Variants in EIF3J observed in about 807,000 individuals in gnomAD.
EIF3J encodes the protein eukaryotic translation initiation factor 3, subunit 1 (alpha, 35kD).
Under a neutral mutation model 39.0 loss-of-function variants are expected in EIF3J, and 15 were observed. That is an observed-to-expected ratio of 0.38 (90% confidence interval 0.26 to 0.59). EIF3J has a LOEUF of 0.59. Ranked by LOEUF, EIF3J falls within the 20% of genes least tolerant of loss-of-function variation. EIF3J has a pLI of 0.60. For synonymous variants in EIF3J, 98 were observed against 112.9 expected (o/e 0.87, Z 0.84); for missense variants, 226 against 308.6 (o/e 0.73, Z 2.00).
chr15:44,550,575 C>CAACATCCT, intron 2 of EIF3J: 1 of 190,688 alleles, frequency 5.2e-6, no homozygotes, highest in Non-Finnish European at 1.1e-5. Flanking sequence ...TAGCAACATA[C>CAACATCCT]AAGATGAAAT....
At chr15:44,551,048 G>C (rs10152710) in intron 3 of EIF3J, 118 bp downstream of exon 3, 46,256 of 1,422,782 alleles carry the variant, frequency 0.033, 1,257 homozygotes, top group African/African-American at 0.12. Context: ...TAGAAACCAA[G>C]TGTCCTTCCA....
rs2082198449 is a variant in EIF3J at position 44,561,689 on chromosome 15, A to G, written c.*540A>G. 1 of 152,524 alleles carries G rather than the reference A, an allele frequency of 6.6e-6. No individual in the cohort carries two copies. Among genetic ancestry groups the G allele is most frequent in the South Asian group, 2.1e-4 (1 of 4,840 alleles). 9.4% of individuals were successfully genotyped at this position (152,524 alleles called of 1,614,324 possible). On this transcript the variant is annotated 3_prime_UTR_variant, in exon 8 of 8. Transcript: ENST00000261868. ...GAAGATACTGCGGCTGAAAAGCACT[A>G]GTTTGATATAAAATTAAAATGACCA... is the stretch of plus-strand genomic sequence containing the variant.
chr15:44,560,551 A>C (rs1426166955), intron 7 of EIF3J: 1 of 505,290 alleles, frequency 2.0e-6, no homozygotes, highest in Non-Finnish European at 3.5e-6. Flanking sequence ...ACTGGGTTCA[A>C]ATACTAGCAC....
intron 7 of EIF3J, chr15:44,560,576 T>C (rs2082183374): frequency 4.6e-6 from 2 of 437,036 alleles, no homozygotes; most frequent in Non-Finnish European, 8.1e-6. Context: ...ACTTAATAGG[T>C]ATAGGTAAAT....
chr15:44,545,374 T>C (rs1474962458), intron 2 of EIF3J, among the ~76,000 whole-genome samples: 1 of 152,224 alleles, frequency 6.6e-6, no homozygotes, highest in Non-Finnish European at 1.5e-5. Context: ...TGAAGCTGTT[T>C]ACATGTATAC....
intron 3 of EIF3J, 81 bp downstream of exon 3, chr15:44,551,011 G>A (rs1043563614): frequency 1.3e-5 from 20 of 1,511,218 alleles, no homozygotes; most frequent in African/African-American, 4.2e-5. Context: ...ATGACAGAAC[G>A]CTCACAAAAT....
chr15:44,556,765 G>A (rs186319593), intron 5 of EIF3J, among the ~76,000 whole-genome samples: 2 of 152,122 alleles, frequency 1.3e-5, no homozygotes, highest in South Asian at 2.1e-4. Context: ...GCCTGCCTAG[G>A]CCTCCCAAAG....
intron 2 of EIF3J, among the ~76,000 whole-genome samples, chr15:44,547,660 G>C (rs1170496686): frequency 6.6e-6 from 1 of 151,598 alleles, no homozygotes; most frequent in Non-Finnish European, 1.5e-5. Flanking sequence ...ATGTTGGCCA[G>C]GCTGGTCTCA....
chr15:44,544,524 G>C (rs896587637), intron 2 of EIF3J, among the ~76,000 whole-genome samples: 4 of 150,918 alleles, frequency 2.7e-5, no homozygotes, highest in African/African-American at 9.7e-5. Flanking sequence ...GACCAACATG[G>C]AGAAACCCAT....
chr15:44,561,263 T>C lies in EIF3J; in HGVS notation c.*114T>C. 7.9e-7 allele frequency: 1 copy of C among 1,272,262 alleles called. No individual in the cohort carries two copies. The highest frequency in any genetic ancestry group is 1.1e-6 in the Non-Finnish European group (1 of 936,674). 78.8% of individuals were successfully genotyped at this position (1,272,262 alleles called of 1,614,324 possible). On this transcript the variant is annotated 3_prime_UTR_variant, in exon 8 of 8. Transcript: ENST00000261868. ...TGCTACAATCAGAAGTGCAGTATCT[T>C]TTGTGCTGGTTATTTAACCCCTTGA... is the stretch of plus-strand genomic sequence containing the variant.
At chr15:44,548,852 G>T (rs1245437868) in intron 2 of EIF3J, among the ~76,000 whole-genome samples, 1 of 152,140 alleles carries the variant, frequency 6.6e-6, no homozygotes, top group African/African-American at 2.4e-5. Flanking sequence ...TTGGATTGGA[G>T]ATTTCATCAC....
intron 5 of EIF3J, among the ~76,000 whole-genome samples, chr15:44,555,702 G>A (rs1290987955): frequency 2.0e-5 from 3 of 152,196 alleles, no homozygotes; most frequent in Non-Finnish European, 4.4e-5. Flanking sequence ...ACCTGTTATA[G>A]ACTAAAAGGT....
intron 7 of EIF3J, chr15:44,560,691 G>T: frequency 5.8e-6 from 2 of 343,578 alleles, no homozygotes; most frequent in South Asian, 1.2e-4. Flanking sequence ...TCAAGTAAAG[G>T]TTAGAGCTTT....
intron 2 of EIF3J, 62 bp downstream of exon 2, chr15:44,537,489 C>T (rs2081969031): frequency 2.8e-6 from 4 of 1,427,048 alleles, no homozygotes; most frequent in Non-Finnish European, 3.7e-6. Context: ...CCGGCCGACT[C>T]TGGGCCCCGG....
intron 7 of EIF3J, chr15:44,560,590 C>G (rs757444148): frequency 7.5e-6 from 3 of 398,220 alleles, no homozygotes; most frequent in Non-Finnish European, 1.3e-5. Context: ...GGTAAATCAG[C>G]TTTTCTAAGC....
chr15:44,550,356 A>G (rs1317557322), intron 2 of EIF3J, among the ~76,000 whole-genome samples: 7 of 152,164 alleles, frequency 4.6e-5, no homozygotes, highest in African/African-American at 1.2e-4. Flanking sequence ...CAGTGGCACT[A>G]TCATAGCTCA....
chr15:44,541,723 C>T lies in EIF3J; in HGVS notation c.147+4296C>T, dbSNP rs143696455. Among the ~76,000 whole-genome samples, 1,095 of 152,202 alleles carry T rather than the reference C, an allele frequency of 7.2e-3. 16 individuals carry two copies. The highest frequency in any genetic ancestry group is 0.023 in the African/African-American group (957 of 41,518). On this transcript the variant is annotated intron_variant, in intron 2 of 7. Coordinates refer to ENST00000261868, the MANE Select transcript of EIF3J (RefSeq NM_003758.4). ...AATACCCAGAAGGTGGGCATTTTGC[C>T]AGAAAATGGGTATTTTGAAGAGAGT... is the stretch of plus-strand genomic sequence containing the variant.
chr15:44,547,440 C>CTTTTTTTT (rs986408245), intron 2 of EIF3J, among the ~76,000 whole-genome samples: 43 of 92,526 alleles, frequency 4.6e-4, no homozygotes, highest in East Asian at 1.5e-3. Flanking sequence ...GGCCTTGATT[C>CTTTTTTTT]TTTTTTTTTT....
At chr15:44,554,412 AGAAGAATGCCT>A (rs2082127826) in intron 4 of EIF3J, 130 bp from the exon 5 acceptor site, 1 of 245,890 alleles carries the variant, frequency 4.1e-6, no homozygotes, top group African/African-American at 2.4e-5. Flanking sequence ...TAAAGTGTTT[AGAAGAATGCCT>A]GAAACAGTAA....
Sources: gnomAD v4.1 joint callset for allele counts (sites outside exome capture counted in the v4.1 genomes callset) on GRCh38, gnomAD v4.1.1 for gene constraint, MANE v1.5 for transcripts, NCBI Gene and HGNC (gene_info 2026-07-23, HGNC 2026-07-21) for gene names.